Variants in RTN4 observed in about 807,000 individuals in gnomAD.
RTN4 encodes the protein reticulon-4.
Under a neutral mutation model 90.4 loss-of-function variants are expected in RTN4, and 32 were observed. The ratio of observed to expected loss-of-function variants is 0.35; its 90% CI spans 0.27 to 0.48. The LOEUF (loss-of-function observed/expected upper bound fraction) is 0.48, where lower values mean the gene tolerates loss of function less well. Ranked by LOEUF, RTN4 falls within the 20% of genes least tolerant of loss-of-function variation. The pLI, the probability that RTN4 is intolerant of heterozygous loss-of-function variation, is 0.99. For synonymous variants in RTN4, 629 were observed against 552.5 expected (o/e 1.14, Z -1.94); for missense variants, 1,706 against 1,430.2 (o/e 1.19, Z -3.11).
intron 1 of RTN4, among the ~76,000 whole-genome samples, chr2:55,111,541 T>C (rs1668038070): frequency 6.6e-6 from 1 of 152,240 alleles, no homozygotes; most frequent in East Asian, 1.9e-4. Context: ...AGAGGGAGGA[T>C]TGTTCCCCAA....
At chr2:54,979,353 T>C (rs1163098022) in intron 5 of RTN4, among the ~76,000 whole-genome samples, 2 of 152,188 alleles carry the variant, frequency 1.3e-5, no homozygotes, top group South Asian at 2.1e-4. Context: ...CTACTGTGCA[T>C]GGCCAGGAAA....
chr2:55,039,899 CAT>C (rs1340974310), intron 1 of RTN4, among the ~76,000 whole-genome samples: 1 of 152,124 alleles, frequency 6.6e-6, no homozygotes, highest in Non-Finnish European at 1.5e-5. Flanking sequence ...AAAATATATA[CAT>C]GTTTGAGTCT....
chr2:55,113,427 C>T (rs1668071987), upstream of RTN4, among the ~76,000 whole-genome samples: 1 of 152,164 alleles, frequency 6.6e-6, no homozygotes, highest in Non-Finnish European at 1.5e-5. Context: ...CTATGACTAC[C>T]TCCCACTCAT....
At chr2:55,010,778 T>C (rs1680576192) in intron 3 of RTN4, among the ~76,000 whole-genome samples, 1 of 152,206 alleles carries the variant, frequency 6.6e-6, no homozygotes, top group African/African-American at 2.4e-5. Flanking sequence ...TTATTGAACA[T>C]ATTATTTGAA....
chr2:55,009,865 C>A (rs974474825), intron 3 of RTN4, among the ~76,000 whole-genome samples: 1 of 149,754 alleles, frequency 6.7e-6, no homozygotes, highest in African/African-American at 2.6e-5. Context: ...AACGGCAGGA[C>A]TGAAAAGACT....
At chr2:55,105,788 A>C (rs942905133) in intron 1 of RTN4, among the ~76,000 whole-genome samples, 15 of 152,152 alleles carry the variant, frequency 9.9e-5, no homozygotes, top group Non-Finnish European at 2.1e-4. Context: ...CCTGGGCAAC[A>C]TAGAGAGACA....
chr2:54,999,310 ACTGTCAT>A (rs930141010), intron 3 of RTN4, among the ~76,000 whole-genome samples: 29 of 152,276 alleles, frequency 1.9e-4, no homozygotes, highest in Admixed American at 1.6e-3. Flanking sequence ...GTAATCACAA[ACTGTCAT>A]CTGCCATAGC....
At chr2:54,989,417 G>A (rs180708957) in intron 3 of RTN4, among the ~76,000 whole-genome samples, 141 of 152,272 alleles carry the variant, frequency 9.3e-4, no homozygotes, top group African/African-American at 3.2e-3. Context: ...GGCGCTTAGT[G>A]CTATTCCACT....
chr2:55,096,580 CTAATCAT>C (rs1667721867), intron 1 of RTN4, among the ~76,000 whole-genome samples: 1 of 152,204 alleles, frequency 6.6e-6, no homozygotes, highest in Non-Finnish European at 1.5e-5. Flanking sequence ...TATCAAAGCT[CTAATCAT>C]AGCCTTTCTC....
intron 1 of RTN4, among the ~76,000 whole-genome samples, chr2:55,032,585 T>C (rs931597106): frequency 2.0e-5 from 3 of 152,042 alleles, no homozygotes; most frequent in East Asian, 1.9e-4. Flanking sequence ...GAAAAAAAGA[T>C]TTATTGATAA....
chr2:55,040,974 G>A lies in RTN4; in HGVS notation c.556+8771C>T, dbSNP rs567001723. Among the ~76,000 whole-genome samples, 10 of 143,822 alleles carry A rather than the reference G, an allele frequency of 7.0e-5. No individual in the cohort carries two copies. The South Asian group carries it at 2.0e-3, about 29-fold the overall frequency. 94.4% of individuals were successfully genotyped at this position (143,822 alleles called of 152,430 possible). A position where few individuals can be genotyped will look rare whatever the true frequency, so the allele number is the denominator to read the frequency against. ...GAAATAATTATTTTTGAAAAGTAGA[G>A]GGCCACCTATGTAAAGAGACTGCTT... On this transcript the variant is annotated intron_variant, in intron 1 of 8. Coordinates refer to ENST00000337526, the MANE Select transcript of RTN4 (RefSeq NM_020532.5).
At chr2:55,116,747 A>G (rs570364420), upstream of RTN4, among the ~76,000 whole-genome samples, 1 of 152,230 alleles carries the variant, frequency 6.6e-6, no homozygotes, top group South Asian at 2.1e-4. Context: ...CCATGCCCTT[A>G]ACCTCTGTGG....
chr2:55,015,614 T>C (rs1187813983), intron 3 of RTN4, among the ~76,000 whole-genome samples: 2 of 152,156 alleles, frequency 1.3e-5, no homozygotes, highest in Non-Finnish European at 2.9e-5. Context: ...CATGTTCACA[T>C]TCACTAATAA....
At position 55,027,238 on chromosome 2, in the gene RTN4, T is replaced by C. The variant is rs1300822037; in HGVS notation, c.861A>G (p.Arg287=). ...CTAATTCTGAAAACTCTGTTAAATC[T>C]CTATCTATGAGTAGAGTTTTTGCCT... ...SEKAKTLLID[R]DLTEFSELEY... The change falls in exon 3 of 9, where the codon AGA becomes AGG. Residue 287 remains arginine, a synonymous_variant. Transcript: ENST00000337526. The C allele has an allele frequency of 6.2e-7, 1 of 1,613,784 alleles. No individual in the cohort carries two copies. The highest frequency in any genetic ancestry group is 2.2e-5 in the East Asian group (1 of 44,872).
chr2:55,093,503 G>A (rs1668977579), intron 1 of RTN4, among the ~76,000 whole-genome samples: 1 of 151,904 alleles, frequency 6.6e-6, no homozygotes, highest in Non-Finnish European at 1.5e-5. Flanking sequence ...TTATGCTGAG[G>A]GAAGTTCTTG....
upstream of RTN4, among the ~76,000 whole-genome samples, chr2:55,055,789 AC>A (rs200749270): frequency 8.6e-5 from 13 of 150,888 alleles, no homozygotes; most frequent in South Asian, 4.2e-4. Flanking sequence ...AACAAAAAAA[AC>A]AAAAACAAAA....
upstream of RTN4, among the ~76,000 whole-genome samples, chr2:55,053,175 C>T (rs923275247): frequency 6.6e-6 from 1 of 152,032 alleles, no homozygotes; most frequent in Non-Finnish European, 1.5e-5. Flanking sequence ...AAAGAGTTTG[C>T]CCAGCTTTCA....
At chr2:54,982,987 T>C (rs1380707478) in intron 4 of RTN4, among the ~76,000 whole-genome samples, 2 of 152,030 alleles carry the variant, frequency 1.3e-5, no homozygotes, top group South Asian at 2.1e-4. Context: ...GAGATTATCA[T>C]GAGAATTCAG....
chr2:55,067,050 T>G lies in RTN4; in HGVS notation c.-63+13439A>C, dbSNP rs531086698. Among the ~76,000 whole-genome samples the G allele has an allele frequency of 9.8e-5, 15 of 152,344 alleles. No individual in the cohort carries two copies. The South Asian group carries it at 2.5e-3, about 25-fold the overall frequency. On this transcript the variant is annotated intron_variant, in intron 2 of 3. Coordinates refer to the RTN4 transcript ENST00000427710. The stretch of plus-strand genomic sequence containing the variant: ...ATAAACCCTTTAAAATTGTTTATAA[T>G]GTACACTGTTCATATACTAAATTAT...
Sources: allele counts gnomAD v4.1 joint callset (sites outside exome capture counted in the v4.1 genomes callset), GRCh38; gene constraint gnomAD v4.1.1; transcripts MANE v1.5; gene names NCBI Gene and HGNC (gene_info 2026-07-23, HGNC 2026-07-21).